Variants in MGMT observed in about 807,000 individuals in gnomAD.
The protein encoded by MGMT is O-6-methylguanine-DNA methyltransferase, also known as methylated-DNA--protein-cysteine methyltransferase.
MGMT carries 14 observed loss-of-function variants against 15.9 expected under a neutral mutation model. The observed-to-expected ratio is 0.88, with a 90% CI of 0.58 to 1.37. MGMT has a LOEUF of 1.37. Among genes scored for constraint, MGMT ranks in the 40% most tolerant of loss-of-function variants. MGMT has a pLI of 0.00. For missense variants in MGMT, 282 were observed against 268.1 expected (o/e 1.05, Z -0.36); for synonymous variants, 130 against 118.2 (o/e 1.10, Z -0.65).
intron 1 of MGMT, among the ~76,000 whole-genome samples, chr10:129,469,673 A>G (rs1450443875): frequency 6.6e-6 from 1 of 152,166 alleles, no homozygotes; most frequent in Non-Finnish European, 1.5e-5. Context: ...TAATGCAGCT[A>G]CTTTCTGAAA....
In MGMT at chr10:129,691,671, C is replaced by T. The variant is rs188055129; in HGVS notation, c.126-16224C>T. 1.1e-4 allele frequency among the ~76,000 whole-genome samples: 17 copies of T among 152,164 alleles called. No individual in the cohort carries two copies. The East Asian group carries it at 1.4e-3, about 12-fold the overall frequency. On this transcript the variant is annotated intron_variant, in intron 2 of 4. Coordinates refer to ENST00000651593, the MANE Select transcript of MGMT (RefSeq NM_002412.5). ...TCAGGGGTTTCATGAAGGAGGGGCC[C>T]GGGAGTGTGCCTGCCACATGGACAC...
In MGMT at chr10:129,587,146, G is replaced by T. The variant is rs80273924; in HGVS notation, c.125+50769G>T. Among the ~76,000 whole-genome samples the T allele has an allele frequency of 4.0e-5, 6 of 151,862 alleles. No homozygotes were observed. In the South Asian group the frequency reaches 1.2e-3, roughly 32 times the overall value. On this transcript the variant is annotated intron_variant, in intron 2 of 4. Coordinates refer to ENST00000651593, the MANE Select transcript of MGMT (RefSeq NM_002412.5). ...TGTGGAGCATTTTCCCCCCTCCAGG[G>T]GTTTTTGAGTTATGTTCTTTATCGC...
At chr10:129,737,633 C>A (rs2133168172) in intron 3 of MGMT, among the ~76,000 whole-genome samples, 1 of 152,328 alleles carries the variant, frequency 6.6e-6, no homozygotes, top group African/African-American at 2.4e-5. Flanking sequence ...AGGCGCTCTG[C>A]TTTTTAGAGT....
chr10:129,646,754 A>ATATATATATATATATATTTTTTTTTTT, intron 2 of MGMT, among the ~76,000 whole-genome samples: 5 of 86,664 alleles, frequency 5.8e-5, no homozygotes, highest in Admixed American at 2.4e-4. Context: ...ATATATATAT[A>ATATATATATATATATATTTTTTTTTTT]TTTTCAGGGA....
chr10:129,718,787 T>C (rs2133152330), intron 3 of MGMT, among the ~76,000 whole-genome samples: 1 of 152,098 alleles, frequency 6.6e-6, no homozygotes, highest in African/African-American at 2.4e-5. Context: ...CTGAGATGTC[T>C]AGAGCCAGTC....
intron 2 of MGMT, among the ~76,000 whole-genome samples, chr10:129,628,094 T>G (rs1436194944): frequency 6.6e-6 from 1 of 152,166 alleles, no homozygotes; most frequent in African/African-American, 2.4e-5. Context: ...AATGAAGAAT[T>G]TTAACATCCA....
In MGMT at chr10:129,516,942, A is replaced by C. The variant is rs554772605; in HGVS notation, c.-12-19299A>C. ...ATGCAGCATCAAAATGTAAATACCAACTCTTATAGAATATTGGGGTTAGCA... is the reference window on the plus strand; with the variant it reads ...ATGCAGCATCAAAATGTAAATACCACCTCTTATAGAATATTGGGGTTAGCA... On this transcript the variant is annotated intron_variant, in intron 1 of 4. Coordinates refer to ENST00000651593, the MANE Select transcript of MGMT (RefSeq NM_002412.5). 2.0e-5 allele frequency among the ~76,000 whole-genome samples: 3 copies of C among 152,150 alleles called. No homozygotes were observed. In the East Asian group the frequency reaches 5.8e-4, roughly 29 times the overall value.
intron 2 of MGMT, among the ~76,000 whole-genome samples, chr10:129,548,363 C>T (rs1356984802): frequency 1.3e-5 from 2 of 152,154 alleles, no homozygotes; most frequent in East Asian, 1.9e-4. Context: ...ACAGATACCC[C>T]AAAAGTAGCC....
chr10:129,759,450 G>T, intron 4 of MGMT, 109 bp downstream of exon 4: 1 of 1,514,048 alleles, frequency 6.6e-7, no homozygotes, highest in Non-Finnish European at 9.0e-7. Flanking sequence ...CTGCTGGGGT[G>T]GGCAGAGGGG....
Position 129,614,170 on chromosome 10 carries a change from T to C in MGMT, c.125+77793T>C, listed in dbSNP as rs936085040. ...GAGTCTGACTACATCACATAAGTGGTACAGCCATTGTCTTTTGTGACTGGC... is the reference window on the plus strand; with the variant it reads ...GAGTCTGACTACATCACATAAGTGGCACAGCCATTGTCTTTTGTGACTGGC... On this transcript the variant is annotated intron_variant, in intron 2 of 4. Transcript: ENST00000651593. 7.2e-5 allele frequency among the ~76,000 whole-genome samples: 11 copies of C among 152,180 alleles called. 1 individual carries two copies. The highest frequency in any genetic ancestry group is 1.3e-4 in the Non-Finnish European group (9 of 68,036).
chr10:129,697,079 T>C (rs1478946081), intron 2 of MGMT, among the ~76,000 whole-genome samples: 1 of 152,166 alleles, frequency 6.6e-6, no homozygotes, highest in African/African-American at 2.4e-5. Context: ...AGCTTGAGAC[T>C]GTATGATGTG....
intron 2 of MGMT, among the ~76,000 whole-genome samples, chr10:129,702,609 G>A (rs1304682129): frequency 6.6e-6 from 1 of 152,138 alleles, no homozygotes; most frequent in Non-Finnish European, 1.5e-5. Flanking sequence ...TTTGAGGGAT[G>A]GGACAGGAAG....
At chr10:129,680,061 A>G (rs1412291905) in intron 2 of MGMT, among the ~76,000 whole-genome samples, 1 of 152,224 alleles carries the variant, frequency 6.6e-6, no homozygotes, top group Non-Finnish European at 1.5e-5. Flanking sequence ...CAATGGTGCA[A>G]TTCAGTGGCC....
At chr10:129,645,984 C>G (rs1847383977) in intron 2 of MGMT, among the ~76,000 whole-genome samples, 1 of 152,160 alleles carries the variant, frequency 6.6e-6, no homozygotes, top group Non-Finnish European at 1.5e-5. Context: ...GTTTGCATCT[C>G]TATGTTTGTG....
At chr10:129,677,558 A>AG in intron 2 of MGMT, among the ~76,000 whole-genome samples, 1 of 152,178 alleles carries the variant, frequency 6.6e-6, no homozygotes, top group Non-Finnish European at 1.5e-5. Flanking sequence ...CCTGGAGTTG[A>AG]GGGCCTGTCT....
chr10:129,591,019 G>A (rs1387632921), intron 2 of MGMT, among the ~76,000 whole-genome samples: 3 of 152,204 alleles, frequency 2.0e-5, no homozygotes, highest in African/African-American at 7.2e-5. Flanking sequence ...AATAAGCGAT[G>A]AGTTGGCCAA....
intron 2 of MGMT, among the ~76,000 whole-genome samples, chr10:129,695,278 G>C (rs138809386): frequency 2.2e-4 from 33 of 152,214 alleles, no homozygotes; most frequent in Admixed American, 7.9e-4. Context: ...AGTTGTTCCC[G>C]GATAAAATTG....
intron 3 of MGMT, among the ~76,000 whole-genome samples, chr10:129,722,329 T>TGCAAGGC (rs1848381929): frequency 6.6e-6 from 1 of 152,178 alleles, no homozygotes; most frequent in Non-Finnish European, 1.5e-5. Flanking sequence ...TTTAAAGATA[T>TGCAAGGC]GCAAGGCCTC....
chr10:129,474,505 A>G (rs565304470), intron 1 of MGMT, among the ~76,000 whole-genome samples: 31 of 152,338 alleles, frequency 2.0e-4, no homozygotes, highest in African/African-American at 6.7e-4. Flanking sequence ...GGGAAGCCAG[A>G]TAAAGGATCT....
Sources: allele counts gnomAD v4.1 joint callset (sites outside exome capture counted in the v4.1 genomes callset), GRCh38; gene constraint gnomAD v4.1.1; transcripts MANE v1.5; gene names NCBI Gene and HGNC (gene_info 2026-07-23, HGNC 2026-07-21).